The following NEB variants were observed in gnomAD, a reference collection of about 807,000 sequenced individuals.
NEB encodes nebulin.
Under a neutral mutation model 952.2 loss-of-function variants are expected in NEB, and 512 were observed. The observed-to-expected ratio is 0.54, with a 90% CI of 0.50 to 0.58. NEB has a LOEUF of 0.58. NEB is among the 20% of genes least tolerant of loss of function. The pLI, the probability that NEB is intolerant of heterozygous loss-of-function variation, is 0.00. For missense variants in NEB, 8,428 were observed against 9,231.1 expected (o/e 0.91, Z 3.56); for synonymous variants, 2,900 against 3,149.8 (o/e 0.92, Z 2.66).
intron 158 of NEB, 40 bp from the exon 159 acceptor site, chr2:151,514,468 C>A: frequency 7.0e-7 from 1 of 1,432,238 alleles, no homozygotes; most frequent in Non-Finnish European, 9.8e-7. Flanking sequence ...GACAAGAAAG[C>A]CCAGATTGAT....
chr2:151,725,378 A>G, intron 6 of NEB, 75 bp downstream of exon 6: 3 of 1,212,560 alleles, frequency 2.5e-6, no homozygotes, highest in Non-Finnish European at 3.6e-6. Flanking sequence ...CACAGCACAT[A>G]TTTAGAGCCC....
intron 161 of NEB, among the ~76,000 whole-genome samples, chr2:151,510,855 A>G (rs2153230186): frequency 6.6e-6 from 1 of 152,360 alleles, no homozygotes. Context: ...GAGTCAGCTT[A>G]CATTGCTTGT....
At chr2:151,620,737 C>G (rs1197755958) in intron 72 of NEB, among the ~76,000 whole-genome samples, 182 bp downstream of exon 72, 3 of 152,132 alleles carry the variant, frequency 2.0e-5, no homozygotes, top group Admixed American at 2.0e-4. Flanking sequence ...GAGCCACATT[C>G]CAGTCTAGGC....
Position 151,549,709 on chromosome 2 carries a change from G to A in NEB, c.19976C>T (p.Pro6659Leu). The change falls in exon 130 of 182, where the codon CCC (proline) becomes CTC (leucine). Residue 6659 changes from proline (P) to leucine (L), a missense_variant. Pro to Leu is a moderately conservative substitution (Grantham distance 98). Coordinates refer to ENST00000397345, the MANE Select transcript of NEB (RefSeq NM_001164508.2). The part of the protein sequence containing the change: ...NLYKTSLRTL[P>L]TGYRLPGDTP... ...GTCACCTGGAAGTCTATATCCAGTGGGCAGGGTGCGCAGGCTGGTTTTGTA... is the reference window on the plus strand; with the variant it reads ...GTCACCTGGAAGTCTATATCCAGTGAGCAGGGTGCGCAGGCTGGTTTTGTA... 6.3e-7 allele frequency: 1 copy of A among 1,596,292 alleles called. No homozygotes were observed. Among genetic ancestry groups the A allele is most frequent in the Non-Finnish European group, 8.5e-7 (1 of 1,170,688 alleles).
rs2098691433 is a variant in NEB, at chr2:151,632,613, T to C, written c.9414+1041A>G. Among the ~76,000 whole-genome samples the C allele has an allele frequency of 2.0e-5, 3 of 149,958 alleles. No homozygotes were observed. In the South Asian group the frequency reaches 6.3e-4, roughly 32 times the overall value. On this transcript the variant is annotated intron_variant, in intron 65 of 181. Coordinates refer to ENST00000397345, the MANE Select transcript of NEB (RefSeq NM_001164508.2). The stretch of plus-strand genomic sequence containing the variant: ...ATCACTTGAACCCGGGAGGCGAAGG[T>C]TGCAGTAATCCGAGATCGCGCCACT...
At position 151,501,385 on chromosome 2, in the gene NEB, A is replaced by G. The variant is rs1457562935; in HGVS notation, c.24021+6T>C. On this transcript the variant is annotated splice_donor_region_variant and intron_variant, in intron 168 of 181. Coordinates refer to ENST00000397345, the MANE Select transcript of NEB (RefSeq NM_001164508.2). ...ATATGGAGTTAAAGAGCTTTCTCCC[A>G]AATACCGAGCTAAAGTTTTCTTGAT... 1 of 1,536,846 alleles carries G rather than the reference A, an allele frequency of 6.5e-7. No individual in the cohort carries two copies. The highest frequency in any genetic ancestry group is 8.8e-7 in the Non-Finnish European group (1 of 1,134,184).
intron 157 of NEB, among the ~76,000 whole-genome samples, chr2:151,516,010 A>G (rs1278534519): frequency 1.3e-5 from 2 of 152,218 alleles, no homozygotes; most frequent in Admixed American, 1.3e-4. Context: ...CAATTCTAAA[A>G]TAACGAATAT....
intron 44 of NEB, 84 bp from the exon 45 acceptor site, chr2:151,663,943 A>C (rs1017889480): frequency 7.2e-7 from 1 of 1,389,794 alleles, no homozygotes; most frequent in South Asian, 1.4e-5. Context: ...GCTTTGTCTT[A>C]GATGAAGGGT....
At chr2:151,491,796 C>A in intron 178 of NEB, 21 bp from the exon 179 acceptor site, 1 of 1,546,120 alleles carries the variant, frequency 6.5e-7, no homozygotes, top group South Asian at 1.2e-5. Flanking sequence ...AACCAGTGAT[C>A]AGAACAAGTG....
chr2:151,486,290 C>G (rs2050299431), intron 181 of NEB: 1 of 211,598 alleles, frequency 4.7e-6, no homozygotes, highest in Non-Finnish European at 9.6e-6. Context: ...ATTATTAAAA[C>G]CACAATGAGA....
At chr2:151,664,400 C>T (rs962647216) in intron 44 of NEB, 101 bp downstream of exon 44, 3 of 846,548 alleles carry the variant, frequency 3.5e-6, no homozygotes, top group Non-Finnish European at 5.3e-6. Flanking sequence ...GGCATTCCCA[C>T]CAACCCTGAA....
chr2:151,611,124 TC>T (rs2097938160), intron 78 of NEB, among the ~76,000 whole-genome samples: 1 of 152,188 alleles, frequency 6.6e-6, no homozygotes, highest in Non-Finnish European at 1.5e-5. Flanking sequence ...ATTCTTTTCA[TC>T]CACTGAATCA....
chr2:151,562,727 T>C lies in NEB; in HGVS notation c.18775A>G (p.Arg6259Gly). 6.2e-7 allele frequency: 1 copy of C among 1,604,340 alleles called. No individual in the cohort carries two copies. Among genetic ancestry groups the C allele is most frequent in the African/African-American group, 1.3e-5 (1 of 74,920 alleles). ...NDMMNHVLAK[R>G]CQYILSDLEY... ...AGGTCACTGAGGATGTACTGGCACCTTTTAGCCAGCACGTGATTCATCATG... is the reference window on the plus strand; with the variant it reads ...AGGTCACTGAGGATGTACTGGCACCCTTTAGCCAGCACGTGATTCATCATG... The change falls in exon 120 of 182, where the codon AGG becomes GGG. Residue 6259 changes from arginine to glycine, a missense_variant. Arg to Gly is a moderately radical substitution (Grantham distance 125). Coordinates refer to ENST00000397345, the MANE Select transcript of NEB (RefSeq NM_001164508.2).
intron 169 of NEB, among the ~76,000 whole-genome samples, chr2:151,498,792 G>A (rs2062157543): frequency 6.6e-6 from 1 of 151,894 alleles, no homozygotes; most frequent in Admixed American, 6.6e-5. Flanking sequence ...CTCTTCTTTT[G>A]TTCACTTTCA....
rs192758522 is a variant in NEB at position 151,607,131 on chromosome 2, C to A, written c.12639+373G>T. On this transcript the variant is annotated intron_variant, in intron 83 of 181. Transcript: ENST00000397345. Reference sequence around the variant, plus strand: ...AAGAGTTGTGACATAGATATCATACCTAGCCCGCCATCTGGATGTAAATAG... The same window carrying A: ...AAGAGTTGTGACATAGATATCATACATAGCCCGCCATCTGGATGTAAATAG... Among the ~76,000 whole-genome samples the A allele has an allele frequency of 1.1e-4, 11 of 103,316 alleles. 3 individuals carry two copies. The East Asian group carries it at 1.2e-3, about 12-fold the overall frequency. The allele number at this position is 103,316 out of a possible 152,430, so 67.8% of individuals were successfully genotyped here. A position where few individuals can be genotyped will look rare whatever the true frequency, so the allele number is the denominator to read the frequency against.
chr2:151,574,810 C>G (rs1428092464), intron 107 of NEB, among the ~76,000 whole-genome samples: 1 of 152,058 alleles, frequency 6.6e-6, no homozygotes, highest in Non-Finnish European at 1.5e-5. Flanking sequence ...TGGCTCACTG[C>G]AGCCTCTTCC....
chr2:151,506,366 A>T, intron 163 of NEB, 108 bp from the exon 164 acceptor site: 1 of 819,748 alleles, frequency 1.2e-6, no homozygotes, highest in East Asian at 2.4e-5. Context: ...ACACTAGACG[A>T]TGTTCCCAGG....
rs952906283 is a variant in NEB at position 151,561,328 on chromosome 2, A to G, written c.18997-16T>C. 1.3e-6 allele frequency: 2 copies of G among 1,540,850 alleles called. No homozygotes were observed. Among genetic ancestry groups the G allele is most frequent in the Admixed American group, 3.8e-5 (2 of 53,268 alleles). ...TATATTGTAGCTGTGAAGAAAAACA[A>G]AAGTCATCAAAAATGGTAACATACA... On this transcript the variant is annotated splice_polypyrimidine_tract_variant and intron_variant, in intron 121 of 181. Transcript: ENST00000397345.
At chr2:151,710,882 A>G (rs1327921755) in intron 10 of NEB, among the ~76,000 whole-genome samples, 5 of 152,218 alleles carry the variant, frequency 3.3e-5, no homozygotes, top group African/African-American at 1.2e-4. Flanking sequence ...CAACCTATCA[A>G]CCTGAGATTT....
Sources: allele counts gnomAD v4.1 joint callset (sites outside exome capture counted in the v4.1 genomes callset), GRCh38; gene constraint gnomAD v4.1.1; transcripts MANE v1.5; gene names NCBI Gene and HGNC (gene_info 2026-07-23, HGNC 2026-07-21).